ARHGEF2: variants seen among roughly 807,000 people sequenced by gnomAD.
ARHGEF2 encodes the protein rho guanine nucleotide exchange factor 2.
A neutral mutation model predicts 121.0 loss-of-function variants in ARHGEF2; 22 were observed. The observed-to-expected ratio is 0.18, with a 90% CI of 0.13 to 0.26. The LOEUF is 0.26. Among genes scored for constraint, ARHGEF2 ranks in the 10% least tolerant of loss-of-function variants. The probability of loss-of-function intolerance (pLI) is 1.00; values close to 1 mark genes in which losing one functional copy is unlikely to be tolerated. For synonymous variants in ARHGEF2, 487 were observed against 530.0 expected (o/e 0.92, Z 1.11); for missense variants, 907 against 1,336.0 (o/e 0.68, Z 5.01).
chr1:155,977,393 A>G (rs548177495), intron 1 of ARHGEF2, among the ~76,000 whole-genome samples: 1 of 152,288 alleles, frequency 6.6e-6, no homozygotes, highest in African/African-American at 2.4e-5. Flanking sequence ...GATAAAGGGT[A>G]CTTGGAGAGG....
Position 155,951,868 on chromosome 1 carries a change from C to T in ARHGEF2, c.2172+51G>A, listed in dbSNP as rs761236089. ...TTTGTGTTGAGGATCCAGAGGCTGG[C>T]TGTCCCTCTCCCACCCTCTTGCCAA... On this transcript the variant is annotated intron_variant, in intron 17 of 21. Transcript: ENST00000361247. The surrounding 1 kb of genome is among the most constrained non-coding windows in gnomAD (Gnocchi z 5.1). The T allele has an allele frequency of 5.0e-6, 8 of 1,612,184 alleles. No homozygotes were observed. In the Admixed American group the frequency reaches 8.3e-5, roughly 17 times the overall value.
intron 7 of ARHGEF2, among the ~76,000 whole-genome samples, chr1:155,964,172 A>ATATATATATATATG (rs1553244890): frequency 1.5e-5 from 1 of 67,004 alleles, no homozygotes. Context: ...AAAAAAATAT[A>ATATATATATATATG]TATATATATA....
At chr1:155,952,331 G>A (rs1675656967) in intron 15 of ARHGEF2, 96 bp from the exon 16 acceptor site, 1 of 1,529,862 alleles carries the variant, frequency 6.5e-7, no homozygotes, top group Non-Finnish European at 8.9e-7. Flanking sequence ...GGCATCTGGG[G>A]GAATGCCCCC....
At chr1:155,973,445 GGAAA>G (rs1192734994) in intron 1 of ARHGEF2, among the ~76,000 whole-genome samples, 2 of 152,100 alleles carry the variant, frequency 1.3e-5, no homozygotes, top group Admixed American at 6.6e-5. Flanking sequence ...GTCACTTTTG[GGAAA>G]GAAAGACAGG....
At chr1:155,969,135 C>A in intron 2 of ARHGEF2, 21 bp downstream of exon 2, 1 of 1,613,590 alleles carries the variant, frequency 6.2e-7, no homozygotes, top group Non-Finnish European at 8.5e-7. Flanking sequence ...CTGGGTGACT[C>A]TCAGGGTCCA....
Position 155,951,370 on chromosome 1 carries a change from G to A in ARHGEF2, c.2260-98C>T, listed in dbSNP as rs1375863000. The A allele has an allele frequency of 6.3e-7, 1 of 1,576,100 alleles. No individual in the cohort carries two copies. Among genetic ancestry groups the A allele is most frequent in the African/African-American group, 1.4e-5 (1 of 74,072 alleles). ...AGGCCCAGATCATCGCTCCTGGAGA[G>A]CTTGGATTGGGAGGGTATTTAGAAA... On this transcript the variant is annotated intron_variant, in intron 19 of 21. Transcript: ENST00000361247. The surrounding 1 kb of genome is among the most constrained non-coding windows in gnomAD (Gnocchi z 5.1).
chr1:155,971,827 C>T (rs906188133), intron 1 of ARHGEF2, among the ~76,000 whole-genome samples: 13 of 151,450 alleles, frequency 8.6e-5, no homozygotes, highest in East Asian at 1.9e-4. Flanking sequence ...GTGGGAGGAT[C>T]GCTTGAGGCC....
At position 155,950,580 on chromosome 1, in the gene ARHGEF2, G is replaced by A; in HGVS notation, c.2704-98C>T. On this transcript the variant is annotated intron_variant, in intron 20 of 21. Coordinates refer to ENST00000361247, the MANE Select transcript of ARHGEF2 (RefSeq NM_001162383.2). The surrounding 1 kb of genome is among the most constrained non-coding windows in gnomAD (Gnocchi z 5.2). ...GAAGGCAGCAGCTCTCCCCCCTGGG[G>A]CTCACCCATGAGTCCCCTTCAGGAG... 3 of 1,290,684 alleles carry A rather than the reference G, an allele frequency of 2.3e-6. No individual in the cohort carries two copies. The highest frequency in any genetic ancestry group is 1.3e-5 in the South Asian group (1 of 77,286). The allele number at this position is 1,290,684 out of a possible 1,614,324, so 80.0% of individuals were successfully genotyped here.
chr1:155,978,654 A>G, upstream of ARHGEF2: 1 of 1,161,532 alleles, frequency 8.6e-7, no homozygotes, highest in East Asian at 3.3e-5. This position sits in a 1 kb window ranked among gnomAD's most constrained non-coding sequence, Gnocchi z 4.1. Flanking sequence ...GCCCGCGCGC[A>G]GGACGGGACG....
At chr1:155,952,891 G>A in intron 14 of ARHGEF2, 63 bp from the exon 15 acceptor site, 2 of 1,534,442 alleles carry the variant, frequency 1.3e-6, no homozygotes, top group Non-Finnish European at 1.8e-6. Flanking sequence ...CGCCAGTAGA[G>A]GACAGCCCTA....
Position 155,962,075 on chromosome 1 carries a change from A to T in ARHGEF2, c.1219+30T>A, listed in dbSNP as rs778467580. ...TCCTCACCCCAGGTGGCCGTCTCCC[A>T]GTGGCCCTCTCCTGGGCCTGCCTAC... On this transcript the variant is annotated intron_variant, in intron 10 of 21. Transcript: ENST00000361247. This position sits in a 1 kb window ranked among gnomAD's most constrained non-coding sequence, Gnocchi z 5.8. The T allele has an allele frequency of 3.1e-6, 5 of 1,611,936 alleles. No individual in the cohort carries two copies. The highest frequency in any genetic ancestry group is 4.2e-6 in the Non-Finnish European group (5 of 1,178,152).
chr1:155,958,096 C>G lies in ARHGEF2; in HGVS notation c.1546-214G>C, dbSNP rs114669742. On this transcript the variant is annotated intron_variant, in intron 12 of 21. Coordinates refer to ENST00000361247, the MANE Select transcript of ARHGEF2 (RefSeq NM_001162383.2). ...TGACTTGAAGCTTTACTTTCATCAT[C>G]TATAAAATGAGGACGAAAATAATCT... 4.2e-3 allele frequency among the ~76,000 whole-genome samples: 635 copies of G among 152,346 alleles called. 4 individuals are homozygous for G. The highest frequency in any genetic ancestry group is 0.015 in the African/African-American group (618 of 41,574).
chr1:155,976,975 C>A (rs1281046940), intron 1 of ARHGEF2, among the ~76,000 whole-genome samples: 1 of 152,128 alleles, frequency 6.6e-6, no homozygotes, highest in Non-Finnish European at 1.5e-5. Flanking sequence ...TGGCCCTCCA[C>A]CCCCAACCCA....
At chr1:155,968,881 G>A (rs1208094712) in intron 2 of ARHGEF2, 2 of 419,458 alleles carry the variant, frequency 4.8e-6, no homozygotes, top group East Asian at 4.2e-5. Context: ...GGGGAGCAAG[G>A]GGGGTGCCTG....
Position 155,952,846 on chromosome 1 carries a change from G to A in ARHGEF2, c.1784-18C>T, listed in dbSNP as rs765866112. On this transcript the variant is annotated intron_variant, in intron 14 of 21. Transcript: ENST00000361247. ...CAACTCCACTGCAGATAAGGAACAA[G>A]TGAGGACATGAGAGGACGTAGGGGT... The A allele has an allele frequency of 4.3e-6, 7 of 1,614,032 alleles. No individual in the cohort carries two copies. The South Asian group carries it at 7.7e-5, about 18-fold the overall frequency.
chr1:155,947,661 A>G lies in ARHGEF2; in HGVS notation c.*281T>C. On this transcript the variant is annotated 3_prime_UTR_variant, in exon 22 of 22. Transcript: ENST00000361247. Reference sequence around the variant, plus strand: ...TCCTTTAAATCTCCCCTCTCCCCCCATAACTAATAAACAATAAATAAATAA... The same window carrying G: ...TCCTTTAAATCTCCCCTCTCCCCCCGTAACTAATAAACAATAAATAAATAA... 4 of 429,696 alleles carry G rather than the reference A, an allele frequency of 9.3e-6. No homozygotes were observed. The highest frequency in any genetic ancestry group is 1.7e-5 in the Non-Finnish European group (4 of 234,812). 26.6% of individuals were successfully genotyped at this position (429,696 alleles called of 1,614,324 possible). A position where few individuals can be genotyped will look rare whatever the true frequency, so the allele number is the denominator to read the frequency against.
At chr1:155,978,703 G>C (rs1326315526), upstream of ARHGEF2, 3 of 900,654 alleles carry the variant, frequency 3.3e-6, no homozygotes, top group Non-Finnish European at 4.3e-6. The surrounding 1 kb of genome is among the most constrained non-coding windows in gnomAD (Gnocchi z 4.1). Context: ...AGGTACGAGG[G>C]TCCTAGGACA....
chr1:155,966,323 T>A (rs1258986087), intron 4 of ARHGEF2, 93 bp downstream of exon 4: 2 of 1,290,942 alleles, frequency 1.5e-6, no homozygotes, highest in African/African-American at 2.9e-5. Context: ...GTGCTATGCC[T>A]GGGAACAACC....
At chr1:155,952,593 C>T (rs1194275585) in intron 15 of ARHGEF2, 35 bp downstream of exon 15, 1 of 1,580,908 alleles carries the variant, frequency 6.3e-7, no homozygotes, top group Non-Finnish European at 8.6e-7. Flanking sequence ...ACGGTGAGTG[C>T]TTGAGCCTGG....
Sources: allele counts gnomAD v4.1 joint callset (sites outside exome capture counted in the v4.1 genomes callset), GRCh38; gene constraint gnomAD v4.1.1; non-coding constraint Gnocchi (gnomAD v3.1); transcripts MANE v1.5; gene names NCBI Gene and HGNC (gene_info 2026-07-23, HGNC 2026-07-21).